Variants in AGAP1 observed in about 807,000 individuals in gnomAD.
The protein encoded by AGAP1 is arf-GAP with GTPase, ANK repeat and PH domain-containing protein 1.
In AGAP1, 29 loss-of-function variants were observed where a neutral mutation model predicts 105.3. That is an observed-to-expected ratio of 0.28 (90% CI 0.21 to 0.38). The LOEUF is 0.38. AGAP1 is among the 10% of genes least tolerant of loss of function. The pLI, the probability that AGAP1 is intolerant of heterozygous loss-of-function variation, is 1.00. For synonymous variants in AGAP1, 509 were observed against 485.9 expected, an observed-to-expected ratio of 1.05 and a Z score of -0.63; for missense variants, 998 against 1,165.1, an observed-to-expected ratio of 0.86 and a Z score of 2.09.
chr2:235,908,946 AGCAACAGGTGGTCCAGGCTCG>A lies in AGAP1; in HGVS notation c.1324+41_1324+61del. The A allele has an allele frequency of 1.3e-6, 2 of 1,583,948 alleles. No homozygotes were observed. Among genetic ancestry groups the A allele is most frequent in the Non-Finnish European group, 1.7e-6 (2 of 1,156,642 alleles). The stretch of plus-strand genomic sequence containing the variant: ...AATGCACTAACAAATCAAGTTCAAC[AGCAACAGGTGGTCCAGGCTCG>A]AGGATAATGTTGGACTCCTAGGTTA... On this transcript the variant is annotated intron_variant, in intron 11 of 17. Coordinates refer to ENST00000304032, the MANE Select transcript of AGAP1 (RefSeq NM_001037131.3). This position sits in a 1 kb window ranked among gnomAD's most constrained non-coding sequence, Gnocchi z 4.4.
chr2:235,770,919 A>C (rs1324090021), intron 6 of AGAP1, among the ~76,000 whole-genome samples: 1 of 152,194 alleles, frequency 6.6e-6, no homozygotes, highest in Non-Finnish European at 1.5e-5. Context: ...GTCTTTGCAG[A>C]TGTGGTTAAG....
chr2:235,738,061 G>A lies in AGAP1; in HGVS notation c.311-2902G>A, dbSNP rs552851986. Among the ~76,000 whole-genome samples, 26 of 152,170 alleles carry A rather than the reference G, an allele frequency of 1.7e-4. No homozygotes were observed. The South Asian group carries it at 4.2e-3, about 24-fold the overall frequency. ...GGGGCTCAGGACACAGGGTCGGGAC[G>A]GTGTGGCGGCGAGGTCCCTCTGGCT... is the stretch of plus-strand genomic sequence containing the variant. On this transcript the variant is annotated intron_variant, in intron 3 of 17. Coordinates refer to ENST00000304032, the MANE Select transcript of AGAP1 (RefSeq NM_001037131.3).
At position 236,011,786 on chromosome 2, in the gene AGAP1, A is replaced by T. The variant is rs368291144; in HGVS notation, c.1646-24775A>T. On this transcript the variant is annotated intron_variant, in intron 13 of 17. Coordinates refer to ENST00000304032, the MANE Select transcript of AGAP1 (RefSeq NM_001037131.3). ...TTTTAGTCTATTGCTAGTCCCCCTG[A>T]AGTCCCCGAGAATCGCCTTTTATTC... Among the ~76,000 whole-genome samples the T allele has an allele frequency of 7.9e-5, 12 of 152,222 alleles. No individual in the cohort carries two copies. The East Asian group carries it at 1.2e-3, about 15-fold the overall frequency.
At position 235,494,865 on chromosome 2, in the gene AGAP1, C is replaced by T. The variant is rs1399594496; in HGVS notation, c.163+16C>T. ...GCCATCGAAGGTGAGGGCCGGGCCG[C>T]CTTGGGGCCTCGGGAAGGCACGGAC... is the stretch of plus-strand genomic sequence containing the variant. On this transcript the variant is annotated intron_variant, in intron 1 of 17. Transcript: ENST00000304032. The T allele has an allele frequency of 6.5e-7, 1 of 1,546,680 alleles. No individual in the cohort carries two copies. Among genetic ancestry groups the T allele is most frequent in the Middle Eastern group, 1.7e-4 (1 of 5,768 alleles).
intron 10 of AGAP1, among the ~76,000 whole-genome samples, chr2:235,886,732 A>G (rs922152159): frequency 1.3e-5 from 2 of 152,218 alleles, no homozygotes; most frequent in African/African-American, 2.4e-5. Context: ...TCCCTATGGA[A>G]GGGGCTTAAT....
chr2:235,704,644 C>G (rs1950434473), intron 1 of AGAP1, among the ~76,000 whole-genome samples: 1 of 152,094 alleles, frequency 6.6e-6, no homozygotes, highest in African/African-American at 2.4e-5. Flanking sequence ...GACTCCGTCT[C>G]AAAAAAGAAA....
rs913210223 is a variant in AGAP1 at position 235,555,333 on chromosome 2, G to T, written c.163+60484G>T. On this transcript the variant is annotated intron_variant, in intron 1 of 17. Transcript: ENST00000304032. The surrounding 1 kb of genome is among the most constrained non-coding windows in gnomAD (Gnocchi z 5.1). ...AGTGTCTGAGTAAAGGCAGTCCCCA[G>T]TCCAGTCTGCAAAGCCTGGCCACTT... 6.6e-6 allele frequency among the ~76,000 whole-genome samples: 1 copy of T among 152,158 alleles called. No homozygotes were observed. Among genetic ancestry groups the T allele is most frequent in the Non-Finnish European group, 1.5e-5 (1 of 68,032 alleles).
rs561748687 is a variant in AGAP1, at chr2:235,608,144, C to G, written c.164-101035C>G. 2.4e-4 allele frequency among the ~76,000 whole-genome samples: 36 copies of G among 151,874 alleles called. No homozygotes were observed. The highest frequency in any genetic ancestry group is 4.0e-4 in the Non-Finnish European group (27 of 67,982). ...TGCCCACTTTTCATTTTTGGCTTCA[C>G]AGAGTGATGCCTCTGGAGCATCCCC... On this transcript the variant is annotated intron_variant, in intron 1 of 17. Transcript: ENST00000304032. This position sits in a 1 kb window ranked among gnomAD's most constrained non-coding sequence, Gnocchi z 5.4.
In AGAP1 at chr2:235,739,475, C is replaced by T. The variant is rs546981848; in HGVS notation, c.311-1488C>T. ...TGTGTCCCCTGCTAACGGGCCTCAG[C>T]CTGACCATTTCCAGTGGGCCCTACC... is the stretch of plus-strand genomic sequence containing the variant. On this transcript the variant is annotated intron_variant, in intron 3 of 17. Coordinates refer to ENST00000304032, the MANE Select transcript of AGAP1 (RefSeq NM_001037131.3). The surrounding 1 kb of genome is among the most constrained non-coding windows in gnomAD (Gnocchi z 5.3). Among the ~76,000 whole-genome samples the T allele has an allele frequency of 3.4e-3, 514 of 152,352 alleles. 2 individuals carry two copies. The highest frequency in any genetic ancestry group is 5.8e-3 in the Non-Finnish European group (398 of 68,036).
chr2:235,552,579 A>C lies in AGAP1; in HGVS notation c.163+57730A>C, dbSNP rs984440191. On this transcript the variant is annotated intron_variant, in intron 1 of 17. Coordinates refer to ENST00000304032, the MANE Select transcript of AGAP1 (RefSeq NM_001037131.3). This position sits in a 1 kb window ranked among gnomAD's most constrained non-coding sequence, Gnocchi z 5.9. ...GCTCACCCGCAATGTGTGTAGGGGG[A>C]TGCTGCTCCCATTGGCCAGGCACTG... Among the ~76,000 whole-genome samples, 3 of 152,062 alleles carry C rather than the reference A, an allele frequency of 2.0e-5. No homozygotes were observed. The South Asian group carries it at 6.2e-4, about 32-fold the overall frequency.
chr2:236,120,593 G>C lies in AGAP1; in HGVS notation c.2370+146G>C. 8 of 1,426,096 alleles carry C rather than the reference G, an allele frequency of 5.6e-6. No homozygotes were observed. Among genetic ancestry groups the C allele is most frequent in the Non-Finnish European group, 7.5e-6 (8 of 1,072,078 alleles). The allele number at this position is 1,426,096 out of a possible 1,614,324, so 88.3% of individuals were successfully genotyped here. A position where few individuals can be genotyped will look rare whatever the true frequency, so the allele number is the denominator to read the frequency against. The stretch of plus-strand genomic sequence containing the variant: ...TTCCTAATGGGAAACTCTGATTGAA[G>C]AGCAGAGGGCCTTACGGAGAGACAG... On this transcript the variant is annotated intron_variant, in intron 17 of 17. Coordinates refer to ENST00000304032, the MANE Select transcript of AGAP1 (RefSeq NM_001037131.3). The surrounding 1 kb of genome is among the most constrained non-coding windows in gnomAD (Gnocchi z 6.0).
chr2:235,748,165 C>A (rs1055997808), intron 5 of AGAP1, among the ~76,000 whole-genome samples: 6 of 152,202 alleles, frequency 3.9e-5, no homozygotes, highest in African/African-American at 1.4e-4. Flanking sequence ...AGGTATAGAA[C>A]CGAAATGCGA....
chr2:235,818,533 C>T (rs1958592693), intron 9 of AGAP1, among the ~76,000 whole-genome samples: 1 of 152,228 alleles, frequency 6.6e-6, no homozygotes, highest in African/African-American at 2.4e-5. Flanking sequence ...ACCTCTGTCA[C>T]CCAGATTCAA....
Position 235,494,066 on chromosome 2 carries a change from G to T in AGAP1, c.-621G>T, listed in dbSNP as rs1236189448. 6.8e-6 allele frequency: 1 copy of T among 146,340 alleles called. No homozygotes were observed. The highest frequency in any genetic ancestry group is 2.0e-4 in the East Asian group (1 of 4,964). 9.1% of individuals were successfully genotyped at this position (146,340 alleles called of 1,614,324 possible). A position where few individuals can be genotyped will look rare whatever the true frequency, so the allele number is the denominator to read the frequency against. ...CCGGAGCCCTGCGTGCCAGGGAGGG[G>T]GCCGGCCGGGCAGGCGGCGGGCGGC... On this transcript the variant is annotated 5_prime_UTR_variant, in exon 1 of 18. Transcript: ENST00000304032.
chr2:235,985,126 C>G (rs770122507), intron 13 of AGAP1, among the ~76,000 whole-genome samples: 8 of 152,174 alleles, frequency 5.3e-5, no homozygotes, highest in Non-Finnish European at 1.0e-4. Context: ...TGTTTCCTGA[C>G]TTTTTAATAA....
chr2:235,494,939 C>G, intron 1 of AGAP1, 90 bp downstream of exon 1: 1 of 1,305,664 alleles, frequency 7.7e-7, no homozygotes, highest in Non-Finnish European at 1.0e-6. Context: ...GGTGTCCACA[C>G]ACGCCGGCCG....
At chr2:235,541,294 G>A (rs372254474) in intron 1 of AGAP1, among the ~76,000 whole-genome samples, 4 of 151,268 alleles carry the variant, frequency 2.6e-5, no homozygotes, top group Non-Finnish European at 5.9e-5. Context: ...CATCTTGTGG[G>A]CCTCTTCTCC....
rs2055600470 is a variant in AGAP1 at position 235,992,245 on chromosome 2, G to C, written c.1645+23622G>C. ...TTGCGTGGTTAGGAGCGCAGCGGAGGAGCCGGTCTTCCTGGGTTTGAGTTG... is the reference window on the plus strand; with the variant it reads ...TTGCGTGGTTAGGAGCGCAGCGGAGCAGCCGGTCTTCCTGGGTTTGAGTTG... On this transcript the variant is annotated intron_variant, in intron 13 of 17. Coordinates refer to ENST00000304032, the MANE Select transcript of AGAP1 (RefSeq NM_001037131.3). The surrounding 1 kb of genome is among the most constrained non-coding windows in gnomAD (Gnocchi z 4.8). Among the ~76,000 whole-genome samples the C allele has an allele frequency of 6.6e-6, 1 of 152,242 alleles. No individual in the cohort carries two copies. The highest frequency in any genetic ancestry group is 1.5e-5 in the Non-Finnish European group (1 of 68,040).
Position 235,741,091 on chromosome 2 carries a change from G to C in AGAP1, c.396+43G>C, listed in dbSNP as rs371488003. The C allele has an allele frequency of 1.8e-5, 26 of 1,461,860 alleles. No individual in the cohort carries two copies. Among genetic ancestry groups the C allele is most frequent in the Admixed American group, 1.4e-4 (7 of 50,782 alleles). The allele number at this position is 1,461,860 out of a possible 1,614,324, so 90.6% of individuals were successfully genotyped here. On this transcript the variant is annotated intron_variant, in intron 4 of 17. Coordinates refer to ENST00000304032, the MANE Select transcript of AGAP1 (RefSeq NM_001037131.3). The surrounding 1 kb of genome is among the most constrained non-coding windows in gnomAD (Gnocchi z 4.9). ...CCCCAAGCCTGCTTTTTTTCCCTTT[G>C]TTTTCTAAGGTTTGATTCAAGAAGT... is the stretch of plus-strand genomic sequence containing the variant.
Sources: allele counts gnomAD v4.1 joint callset (sites outside exome capture counted in the v4.1 genomes callset), GRCh38; gene constraint gnomAD v4.1.1; non-coding constraint Gnocchi (gnomAD v3.1); transcripts MANE v1.5; gene names NCBI Gene and HGNC (gene_info 2026-07-23, HGNC 2026-07-21).